Variants in CFDP1 observed in about 807,000 individuals in gnomAD.
CFDP1 encodes heterochromatin-stabilizing protein CFDP1.
A neutral mutation model predicts 40.1 loss-of-function variants in CFDP1; 31 were observed. That is an observed-to-expected ratio of 0.77 (90% confidence interval 0.58 to 1.04). The LOEUF is 1.04. CFDP1 is among the 50% of genes least tolerant of loss of function. The probability of loss-of-function intolerance (pLI) is 0.00; values close to 1 mark genes in which losing one functional copy is unlikely to be tolerated. For missense variants in CFDP1, 423 were observed against 343.4 expected (o/e 1.23, Z -1.83); for synonymous variants, 167 against 120.0 (o/e 1.39, Z -2.56).
chr16:75,414,039 G>C (rs1007591186), intron 2 of CFDP1, among the ~76,000 whole-genome samples: 1 of 151,968 alleles, frequency 6.6e-6, no homozygotes, highest in African/African-American at 2.4e-5. Flanking sequence ...GTAAAGACTA[G>C]ATACAATCTA....
At chr16:75,357,188 C>T (rs1488638126) in intron 5 of CFDP1, among the ~76,000 whole-genome samples, 1 of 152,060 alleles carries the variant, frequency 6.6e-6, no homozygotes, top group African/African-American at 2.4e-5. Context: ...GCTGGGATTA[C>T]AGGTGTGAGC....
Position 75,400,370 on chromosome 16 carries a change from A to C in CFDP1, c.531-5161T>G, listed in dbSNP as rs540638909. 1.1e-4 allele frequency among the ~76,000 whole-genome samples: 17 copies of C among 152,346 alleles called. No individual in the cohort carries two copies. The South Asian group carries it at 1.7e-3, about 15-fold the overall frequency. On this transcript the variant is annotated intron_variant, in intron 4 of 6. Coordinates refer to ENST00000283882, the MANE Select transcript of CFDP1 (RefSeq NM_006324.3). ...GGTTTTTGTTTTCTCTGATCTCCTA[A>C]GCCTACAGCCATGTGGAATGGCCAA...
chr16:75,343,208 C>G (rs189461535), intron 5 of CFDP1, among the ~76,000 whole-genome samples: 1 of 152,104 alleles, frequency 6.6e-6, no homozygotes, highest in Admixed American at 6.5e-5. Flanking sequence ...CTACATGACA[C>G]TAAATAAGTT....
intron 1 of CFDP1, among the ~76,000 whole-genome samples, chr16:75,427,606 A>G (rs1378192174): frequency 6.6e-6 from 1 of 152,176 alleles, no homozygotes; most frequent in Non-Finnish European, 1.5e-5. Flanking sequence ...GACCACCCCA[A>G]GTGTTGTTGA....
intron 5 of CFDP1, among the ~76,000 whole-genome samples, chr16:75,333,838 T>A (rs1349077979): frequency 6.6e-6 from 1 of 152,222 alleles, no homozygotes. Context: ...AAGCCTTTCA[T>A]ACCACATTCT....
chr16:75,300,108 T>G (rs942473628), intron 6 of CFDP1, among the ~76,000 whole-genome samples: 1 of 151,760 alleles, frequency 6.6e-6, no homozygotes, highest in Non-Finnish European at 1.5e-5. Context: ...CGCTGCTGGG[T>G]GGAGAATGGA....
intron 4 of CFDP1, among the ~76,000 whole-genome samples, chr16:75,395,547 T>A (rs2078989379): frequency 6.6e-6 from 1 of 151,988 alleles, no homozygotes; most frequent in South Asian, 2.1e-4. Context: ...TAGTCCCAGC[T>A]ACTCGGGAGG....
chr16:75,409,511 C>CAACA, intron 4 of CFDP1: 1 of 152,060 alleles, frequency 6.6e-6, no homozygotes, highest in East Asian at 1.9e-4. Context: ...CTAGTAATTC[C>CAACA]TTTTTATTGT....
At chr16:75,299,110 G>T (rs1394005968) in intron 6 of CFDP1, among the ~76,000 whole-genome samples, 3 of 152,074 alleles carry the variant, frequency 2.0e-5, no homozygotes, top group Non-Finnish European at 4.4e-5. Context: ...AGGACTGCAG[G>T]GCTGATCCTG....
intron 6 of CFDP1, among the ~76,000 whole-genome samples, chr16:75,301,579 G>T (rs912719842): frequency 5.3e-5 from 6 of 112,172 alleles, no homozygotes; most frequent in Non-Finnish European, 5.1e-5. Flanking sequence ...AAGAGACCGG[G>T]TCTTTCTCTG....
intron 1 of CFDP1, among the ~76,000 whole-genome samples, chr16:75,423,735 C>T (rs1338129254): frequency 3.3e-5 from 5 of 152,116 alleles, no homozygotes; most frequent in Admixed American, 2.6e-4. Flanking sequence ...AGGATGGTCT[C>T]GATCTCCTGA....
intron 5 of CFDP1, among the ~76,000 whole-genome samples, chr16:75,360,222 A>G (rs966626694): frequency 4.0e-5 from 6 of 151,880 alleles, no homozygotes; most frequent in African/African-American, 1.5e-4. Flanking sequence ...ATTACTTTCC[A>G]CTAAAGGAAC....
intron 6 of CFDP1, among the ~76,000 whole-genome samples, chr16:75,302,397 A>C (rs938757449): frequency 2.0e-5 from 3 of 152,156 alleles, no homozygotes; most frequent in Non-Finnish European, 4.4e-5. Context: ...AGTAACTGGG[A>C]CTACAGGTGT....
intron 1 of CFDP1, among the ~76,000 whole-genome samples, chr16:75,428,507 C>T (rs2079368038): frequency 6.6e-6 from 1 of 151,696 alleles, no homozygotes; most frequent in Non-Finnish European, 1.5e-5. Flanking sequence ...ATCCCAGCTA[C>T]TCGAGAGGCT....
At chr16:75,304,646 C>T (rs1220708824) in intron 6 of CFDP1, among the ~76,000 whole-genome samples, 7 of 152,154 alleles carry the variant, frequency 4.6e-5, no homozygotes, top group Admixed American at 1.3e-4. Flanking sequence ...CAGTTTTTGA[C>T]GGATCTGAAC....
chr16:75,392,185 C>G (rs559305355), intron 5 of CFDP1, among the ~76,000 whole-genome samples: 187 of 151,886 alleles, frequency 1.2e-3, no homozygotes, highest in Admixed American at 2.8e-3. Flanking sequence ...GGGGGTGGAT[C>G]ACGAAGTCAG....
chr16:75,376,182 G>T (rs1301867352), intron 5 of CFDP1, among the ~76,000 whole-genome samples: 1 of 152,190 alleles, frequency 6.6e-6, no homozygotes, highest in Non-Finnish European at 1.5e-5. Flanking sequence ...TTGCATTCCA[G>T]CCTGAGTGAC....
chr16:75,304,997 C>T (rs1469255304), intron 6 of CFDP1, 27 bp downstream of exon 6: 1 of 1,604,740 alleles, frequency 6.2e-7, no homozygotes, highest in Admixed American at 1.7e-5. Flanking sequence ...GAGGATTTTC[C>T]AAGGCATAAA....
chr16:75,303,028 C>A (rs900297294), intron 6 of CFDP1, among the ~76,000 whole-genome samples: 3 of 152,080 alleles, frequency 2.0e-5, no homozygotes, highest in African/African-American at 4.8e-5. Flanking sequence ...GGTGAAATCC[C>A]GTCTCTACTA....
Sources: gnomAD v4.1 joint callset for allele counts (sites outside exome capture counted in the v4.1 genomes callset) on GRCh38, gnomAD v4.1.1 for gene constraint, MANE v1.5 for transcripts, NCBI Gene and HGNC (gene_info 2026-07-23, HGNC 2026-07-21) for gene names.